Variants in INSC observed in about 807,000 individuals in gnomAD.
The protein encoded by INSC is INSC spindle orientation adaptor protein.
In INSC, 67 loss-of-function variants were observed where a neutral mutation model predicts 58.6. The ratio of observed to expected loss-of-function variants is 1.14; its 90% confidence interval spans 0.94 to 1.40. The LOEUF (loss-of-function observed/expected upper bound fraction) is 1.40, where lower values mean the gene tolerates loss of function less well. INSC is among the 40% of genes most tolerant of loss of function. The pLI is 0.00. For missense variants in INSC, 714 were observed against 692.0 expected (o/e 1.03, Z -0.36); for synonymous variants, 262 against 276.1 (o/e 0.95, Z 0.51).
At chr11:15,141,659 T>G (rs1358735749) in intron 1 of INSC, among the ~76,000 whole-genome samples, 1 of 152,126 alleles carries the variant, frequency 6.6e-6, no homozygotes, top group Non-Finnish European at 1.5e-5. Flanking sequence ...AGTATCTGAT[T>G]GCTGCAGGAT....
chr11:15,236,923 C>A (rs922069798), intron 10 of INSC, among the ~76,000 whole-genome samples: 1 of 152,166 alleles, frequency 6.6e-6, no homozygotes, highest in African/African-American at 2.4e-5. Flanking sequence ...CTTTGCTGAG[C>A]CAGCTGAGGC....
intron 1 of INSC, among the ~76,000 whole-genome samples, chr11:15,136,455 A>C (rs1007712108): frequency 6.6e-6 from 1 of 152,044 alleles, no homozygotes; most frequent in Non-Finnish European, 1.5e-5. Flanking sequence ...TTTATGAAAA[A>C]TTTCTTGGTG....
At chr11:15,169,858 T>A (rs756090485) in intron 2 of INSC, among the ~76,000 whole-genome samples, 9 of 152,214 alleles carry the variant, frequency 5.9e-5, no homozygotes, top group Non-Finnish European at 7.3e-5. Context: ...TGACGTCTTA[T>A]ATTACCATGG....
upstream of INSC, chr11:15,112,596 GTGT>G (rs1847593870): frequency 6.6e-6 from 2 of 304,934 alleles, no homozygotes; most frequent in African/African-American, 1.5e-4. Flanking sequence ...ATGTGAGTGT[GTGT>G]GTGTGTGTGT....
chr11:15,177,241 A>G (rs1383922842), intron 4 of INSC, 78 bp downstream of exon 4: 3 of 1,113,780 alleles, frequency 2.7e-6, no homozygotes, highest in Non-Finnish European at 4.1e-6. Context: ...CTTCTCCCAG[A>G]GGGAGAATGG....
chr11:15,236,087 C>T (rs977927145), intron 10 of INSC, among the ~76,000 whole-genome samples: 1 of 149,336 alleles, frequency 6.7e-6, no homozygotes, highest in Non-Finnish European at 1.5e-5. Flanking sequence ...AATAGGTACA[C>T]GTGTCTCCAT....
intron 9 of INSC, among the ~76,000 whole-genome samples, chr11:15,233,173 A>G (rs1242711312): frequency 6.6e-6 from 1 of 152,180 alleles, no homozygotes; most frequent in African/African-American, 2.4e-5. Context: ...GGCCTTTCTC[A>G]AGGTGATGTC....
Position 15,116,786 on chromosome 11 carries a change from C to CT in INSC, c.-46+1786dup, listed in dbSNP as rs776760603. On this transcript the variant is annotated intron_variant, in intron 1 of 12. Coordinates refer to ENST00000379556, the MANE Select transcript of INSC (RefSeq NM_001042536.3). ...CCATTCTTTCTTTTTTTCTTCCTTC[C>CT]TTTCTTTTCTTTTCTTTCTTTTCTT... Among the ~76,000 whole-genome samples, 615 of 123,416 alleles carry CT rather than the reference C, an allele frequency of 5.0e-3. 2 individuals carry two copies. Among genetic ancestry groups the CT allele is most frequent in the Non-Finnish European group, 8.7e-3 (484 of 55,872 alleles). The allele number at this position is 123,416 out of a possible 152,430, so 81.0% of individuals were successfully genotyped here. A position where few individuals can be genotyped will look rare whatever the true frequency, so the allele number is the denominator to read the frequency against.
At chr11:15,183,799 T>C (rs1159573324) in intron 5 of INSC, among the ~76,000 whole-genome samples, 1 of 152,136 alleles carries the variant, frequency 6.6e-6, no homozygotes, top group African/African-American at 2.4e-5. Context: ...TCAAGATATA[T>C]TGGATAAAAT....
chr11:15,226,413 T>A (rs1465998771), intron 9 of INSC, among the ~76,000 whole-genome samples: 1 of 151,884 alleles, frequency 6.6e-6, no homozygotes, highest in Non-Finnish European at 1.5e-5. Context: ...AGAAAGGGGG[T>A]TTTACTACTA....
intron 2 of INSC, among the ~76,000 whole-genome samples, chr11:15,165,943 T>A (rs1417568794): frequency 6.6e-6 from 1 of 152,142 alleles, no homozygotes. Context: ...TCATGACCCA[T>A]CATGATGGGA....
At chr11:15,143,306 C>T (rs1388543760) in intron 1 of INSC, among the ~76,000 whole-genome samples, 1 of 152,166 alleles carries the variant, frequency 6.6e-6, no homozygotes, top group Non-Finnish European at 1.5e-5. Flanking sequence ...ATCCATGGGT[C>T]AGGGAAGCTG....
intron 7 of INSC, among the ~76,000 whole-genome samples, chr11:15,212,688 G>A (rs1425259487): frequency 6.6e-6 from 1 of 152,062 alleles, no homozygotes; most frequent in Non-Finnish European, 1.5e-5. Flanking sequence ...GTTTGATATT[G>A]TATCCAGTAA....
intron 9 of INSC, among the ~76,000 whole-genome samples, chr11:15,228,202 C>T (rs1429232006): frequency 6.6e-6 from 1 of 152,180 alleles, no homozygotes; most frequent in Non-Finnish European, 1.5e-5. Flanking sequence ...TGGGACCCTC[C>T]AGAGAGGAGT....
intron 9 of INSC, among the ~76,000 whole-genome samples, chr11:15,226,203 A>G (rs1045330666): frequency 6.6e-6 from 1 of 152,034 alleles, no homozygotes; most frequent in African/African-American, 2.4e-5. Context: ...GACCCATGGA[A>G]GGTGCCTAGA....
At chr11:15,230,745 A>G (rs1348920101) in intron 9 of INSC, among the ~76,000 whole-genome samples, 2 of 152,244 alleles carry the variant, frequency 1.3e-5, no homozygotes, top group Non-Finnish European at 2.9e-5. Context: ...TTACAGCCCA[A>G]CATTCATGTA....
chr11:15,206,708 G>A (rs1039161215), intron 7 of INSC, among the ~76,000 whole-genome samples: 12 of 152,276 alleles, frequency 7.9e-5, no homozygotes, highest in South Asian at 2.1e-4. Flanking sequence ...AATGAAGAGA[G>A]GTGAGGGAGC....
At chr11:15,198,783 G>C (rs1850468058) in intron 6 of INSC, among the ~76,000 whole-genome samples, 1 of 152,044 alleles carries the variant, frequency 6.6e-6, no homozygotes, top group East Asian at 1.9e-4. Context: ...GAGTAACTTG[G>C]TTTTCCTTCA....
At chr11:15,114,724 C>A (rs892944213), upstream of INSC, among the ~76,000 whole-genome samples, 2 of 152,198 alleles carry the variant, frequency 1.3e-5, no homozygotes, top group African/African-American at 2.4e-5. Flanking sequence ...CCCCCAGGGG[C>A]ACCGAAATAG....
Sources: gnomAD v4.1 joint callset for allele counts (sites outside exome capture counted in the v4.1 genomes callset) on GRCh38, gnomAD v4.1.1 for gene constraint, MANE v1.5 for transcripts, NCBI Gene and HGNC (gene_info 2026-07-23, HGNC 2026-07-21) for gene names.